The following RALA variants were observed in gnomAD, a reference collection of about 807,000 sequenced individuals.
The protein encoded by RALA is RAS like proto-oncogene A.
RALA carries 5 observed loss-of-function variants against 24.0 expected under a neutral mutation model. That is an observed-to-expected ratio of 0.21 (90% CI 0.11 to 0.44). RALA has a LOEUF of 0.44. Ranked by LOEUF, RALA falls within the 20% of genes least tolerant of loss-of-function variation. RALA has a pLI of 0.99. For missense variants in RALA, 95 were observed against 241.2 expected, an observed-to-expected ratio of 0.39 and a Z score of 4.01; for synonymous variants, 77 against 83.8, an observed-to-expected ratio of 0.92 and a Z score of 0.44.
At chr7:39,684,724 A>G (rs986055035) in intron 1 of RALA, among the ~76,000 whole-genome samples, 1 of 151,740 alleles carries the variant, frequency 6.6e-6, no homozygotes, top group Non-Finnish European at 1.5e-5. Context: ...AAAAAAAAAA[A>G]AAAAGAAAAA....
chr7:39,637,294 A>G (rs1791698375), intron 1 of RALA, among the ~76,000 whole-genome samples: 1 of 152,122 alleles, frequency 6.6e-6, no homozygotes, highest in Non-Finnish European at 1.5e-5. Flanking sequence ...ATTTTTTTTA[A>G]TGGAACCTGC....
intron 1 of RALA, among the ~76,000 whole-genome samples, chr7:39,632,063 T>C (rs963239648): frequency 3.3e-5 from 5 of 152,178 alleles, no homozygotes; most frequent in Admixed American, 2.0e-4. Flanking sequence ...TGTGAACTAA[T>C]AGAGTAAGAA....
chr7:39,624,114 C>G (rs944717021), intron 1 of RALA: 4 of 152,196 alleles, frequency 2.6e-5, no homozygotes, highest in Non-Finnish European at 5.9e-5. Context: ...TCACCCCGCA[C>G]CTTTCGTCCA....
intron 1 of RALA, among the ~76,000 whole-genome samples, chr7:39,632,034 T>TTTAAACAACCAGCTCTC (rs1791606128): frequency 6.6e-6 from 1 of 152,170 alleles, no homozygotes; most frequent in Non-Finnish European, 1.5e-5. Context: ...TCTGGGCTCT[T>TTTAAACAACCAGCTCTC]TTAAACAACC....
chr7:39,636,469 T>G (rs1791687535), intron 1 of RALA, among the ~76,000 whole-genome samples: 1 of 152,238 alleles, frequency 6.6e-6, no homozygotes, highest in Admixed American at 6.5e-5. Flanking sequence ...GTTTATTAAG[T>G]TATCTATATT....
At chr7:39,648,083 C>T (rs1478485732) in intron 1 of RALA, among the ~76,000 whole-genome samples, 1 of 152,154 alleles carries the variant, frequency 6.6e-6, no homozygotes, top group African/African-American at 2.4e-5. Context: ...TCCCTATTAA[C>T]ACACCTTTAT....
chr7:39,638,386 TTC>T (rs1238579087), intron 1 of RALA, among the ~76,000 whole-genome samples: 1 of 152,254 alleles, frequency 6.6e-6, no homozygotes, highest in Admixed American at 6.5e-5. Context: ...TGTGTCTGGC[TTC>T]TTTTACTTAG....
At chr7:39,631,286 G>A (rs776056695) in intron 1 of RALA, among the ~76,000 whole-genome samples, 2 of 152,182 alleles carry the variant, frequency 1.3e-5, no homozygotes, top group Non-Finnish European at 2.9e-5. Flanking sequence ...GGGATTACAG[G>A]CGTGAGCCAT....
intron 1 of RALA, among the ~76,000 whole-genome samples, chr7:39,656,618 C>T (rs866059399): frequency 6.6e-6 from 1 of 152,190 alleles, no homozygotes; most frequent in Non-Finnish European, 1.5e-5. Flanking sequence ...TTTTTGAACA[C>T]CTGGCATAAC....
intron 1 of RALA, among the ~76,000 whole-genome samples, chr7:39,631,288 G>A (rs35694450): frequency 0.35 from 52,664 of 152,140 alleles, 9,478 homozygotes; most frequent in South Asian, 0.42. Flanking sequence ...GATTACAGGC[G>A]TGAGCCATGG....
intron 4 of RALA, among the ~76,000 whole-genome samples, chr7:39,704,553 G>C (rs937372522): frequency 1.3e-5 from 2 of 151,996 alleles, no homozygotes; most frequent in African/African-American, 2.4e-5. Context: ...CCTGACCTCA[G>C]GTGATCCGCC....
intron 1 of RALA, among the ~76,000 whole-genome samples, chr7:39,671,099 T>C (rs1227255546): frequency 6.6e-6 from 1 of 152,146 alleles, no homozygotes; most frequent in Non-Finnish European, 1.5e-5. Flanking sequence ...TAGATCCATC[T>C]GTCCCACCTC....
intron 1 of RALA, among the ~76,000 whole-genome samples, chr7:39,627,811 A>G (rs1791519735): frequency 6.6e-6 from 1 of 152,184 alleles, no homozygotes; most frequent in South Asian, 2.1e-4. Flanking sequence ...TACTTTTCCC[A>G]TTCTTGCTTA....
At chr7:39,660,256 G>T (rs1292713105) in intron 1 of RALA, among the ~76,000 whole-genome samples, 1 of 151,398 alleles carries the variant, frequency 6.6e-6, no homozygotes, top group Non-Finnish European at 1.5e-5. Context: ...TGAGGCAAGA[G>T]AATTGCTTGA....
At chr7:39,696,541 T>A in intron 3 of RALA, 144 bp from the exon 4 acceptor site, 1 of 621,878 alleles carries the variant, frequency 1.6e-6, no homozygotes, top group South Asian at 2.8e-5. Flanking sequence ...TTGCTAATAC[T>A]GTATCGATAT....
intron 4 of RALA, among the ~76,000 whole-genome samples, chr7:39,705,421 T>G (rs1429299224): frequency 6.6e-6 from 1 of 152,164 alleles, no homozygotes; most frequent in Non-Finnish European, 1.5e-5. Context: ...TTATGTGGAG[T>G]AGGAGTGTGA....
At chr7:39,649,032 C>G (rs553351944) in intron 1 of RALA, among the ~76,000 whole-genome samples, 28 of 152,234 alleles carry the variant, frequency 1.8e-4, no homozygotes, top group African/African-American at 6.7e-4. Context: ...TGCACTCCAG[C>G]CTGTGCGACA....
chr7:39,635,374 G>A (rs1172117526), intron 1 of RALA, among the ~76,000 whole-genome samples: 6 of 151,948 alleles, frequency 3.9e-5, no homozygotes, highest in Non-Finnish European at 8.8e-5. Flanking sequence ...GACCTGTCTC[G>A]AAAAAGAAAA....
intron 1 of RALA, among the ~76,000 whole-genome samples, chr7:39,641,507 CTGAG>C (rs1283684781): frequency 6.6e-6 from 1 of 152,128 alleles, no homozygotes; most frequent in Non-Finnish European, 1.5e-5. Context: ...CTTTAGCTCT[CTGAG>C]TGGGGTTATG....
Sources: gnomAD v4.1 joint callset for allele counts (sites outside exome capture counted in the v4.1 genomes callset) on GRCh38, gnomAD v4.1.1 for gene constraint, MANE v1.5 for transcripts, NCBI Gene and HGNC (gene_info 2026-07-23, HGNC 2026-07-21) for gene names.